The following CASC3 variants were observed in gnomAD, a reference collection of about 807,000 sequenced individuals.
CASC3 encodes CASC3 exon junction complex subunit, also known as protein CASC3.
Under a neutral mutation model 80.5 loss-of-function variants are expected in CASC3, and 30 were observed. The ratio of observed to expected loss-of-function variants is 0.37; its 90% CI spans 0.28 to 0.51. The LOEUF (loss-of-function observed/expected upper bound fraction) is 0.51, where lower values mean the gene tolerates loss of function less well. Ranked by LOEUF, CASC3 falls within the 20% of genes least tolerant of loss-of-function variation. The pLI, the probability that CASC3 is intolerant of heterozygous loss-of-function variation, is 0.94. For synonymous variants in CASC3, 312 were observed against 333.6 expected (o/e 0.94, Z 0.70); for missense variants, 824 against 922.2 (o/e 0.89, Z 1.38).
At chr17:40,146,573 A>G (rs1988867555) in intron 3 of CASC3, among the ~76,000 whole-genome samples, 1 of 151,124 alleles carries the variant, frequency 6.6e-6, no homozygotes, top group African/African-American at 2.4e-5. Flanking sequence ...AGTAGCTGGG[A>G]TTACAGGCGC....
chr17:40,162,970 C>T (rs969827645), intron 6 of CASC3, 69 bp downstream of exon 6: 33 of 1,421,512 alleles, frequency 2.3e-5, no homozygotes, highest in Middle Eastern at 1.9e-4. Flanking sequence ...CCTGGAATCC[C>T]GGCACTTTGG....
intron 9 of CASC3, 89 bp downstream of exon 9, chr17:40,167,701 G>C (rs550164557): frequency 7.9e-7 from 1 of 1,264,432 alleles, no homozygotes; most frequent in Non-Finnish European, 1.2e-6. Flanking sequence ...TTTCTCTTCT[G>C]ACCTCTTATA....
chr17:40,152,598 G>A (rs1215732488), intron 3 of CASC3, among the ~76,000 whole-genome samples: 1 of 152,024 alleles, frequency 6.6e-6, no homozygotes, highest in Non-Finnish European at 1.5e-5. Flanking sequence ...GGGATTACAG[G>A]CGTGAGCCAC....
chr17:40,162,593 A>C, intron 5 of CASC3, 132 bp from the exon 6 acceptor site: 1 of 797,102 alleles, frequency 1.3e-6, no homozygotes, highest in Admixed American at 2.9e-5. Flanking sequence ...GTTTTTTATA[A>C]TCTCTTTGGG....
At chr17:40,162,926 C>T (rs761781834) in intron 6 of CASC3, 25 bp downstream of exon 6, 2 of 1,607,576 alleles carry the variant, frequency 1.2e-6, no homozygotes, top group South Asian at 1.1e-5. Context: ...GAACATAAGA[C>T]CAGGCTGGGT....
rs765266064 is a variant in CASC3, at chr17:40,162,011, G to C, written c.466G>C (p.Glu156Gln). 1 of 1,613,890 alleles carries C rather than the reference G, an allele frequency of 6.2e-7. No individual in the cohort carries two copies. Residue 156 changes from glutamate to glutamine, a missense_variant, in exon 5 of 14, where the codon GAG becomes CAG. By Grantham distance (29) the Glu-to-Gln change is conservative (BLOSUM62 2). Around this residue, in one of 3 missense-constraint regions of CASC3, gnomAD observed 201 missense variants for 294.1 expected, o/e 0.68. Transcript: ENST00000264645. ...TTTATCTGTCCTCTAGGAGAGCACAGAGCCTGTGGAGAACAAAGTGGGTAA... is the reference window on the plus strand; with the variant it reads ...TTTATCTGTCCTCTAGGAGAGCACACAGCCTGTGGAGAACAAAGTGGGTAA... ...RQSGDGQEST[E>Q]PVENKVGKKG...
intron 13 of CASC3, 129 bp from the exon 14 acceptor site, chr17:40,170,317 TG>T: frequency 2.1e-6 from 1 of 478,144 alleles, no homozygotes; most frequent in Non-Finnish European, 2.7e-6. Context: ...CTGGGGGTTT[TG>T]TTGCTTTTGT....
chr17:40,141,730 G>C, intron 3 of CASC3, 123 bp downstream of exon 3: 1 of 820,300 alleles, frequency 1.2e-6, no homozygotes, highest in Non-Finnish European at 2.0e-6. Context: ...CTTCATTTAT[G>C]CTTCTGAAAA....
chr17:40,162,538 G>A (rs538732938), intron 5 of CASC3, among the ~76,000 whole-genome samples, 187 bp from the exon 6 acceptor site: 2 of 152,170 alleles, frequency 1.3e-5, no homozygotes, highest in African/African-American at 4.8e-5. Flanking sequence ...TTTGAGCCCA[G>A]CAGGCCCTGA....
In CASC3 at chr17:40,163,788, G is replaced by C; in HGVS notation, c.1093G>C (p.Glu365Gln). 2 of 1,614,202 alleles carry C rather than the reference G, an allele frequency of 1.2e-6. No homozygotes were observed. The highest frequency in any genetic ancestry group is 1.7e-6 in the Non-Finnish European group (2 of 1,180,044). The change falls in exon 7 of 14, where the codon GAA becomes CAA. Residue 365 changes from glutamate to glutamine, a missense_variant. Transcript: ENST00000264645. ...GACTTCTGTGAGGGATCCATCTCCA[G>C]AAGCAGATGCTCCAGTGCTTGGCAG... is the stretch of plus-strand genomic sequence containing the variant. The part of the protein sequence containing the change: ...EQTSVRDPSP[E>Q]ADAPVLGSPE...
At chr17:40,144,659 T>C (rs796918264) in intron 3 of CASC3, among the ~76,000 whole-genome samples, 2,018 of 114,528 alleles carry the variant, frequency 0.018, 46 homozygotes, top group African/African-American at 0.07. Context: ...CCCAGCCCTC[T>C]TTTTTTTTTT....
At chr17:40,150,543 G>T (rs142439384) in intron 3 of CASC3, among the ~76,000 whole-genome samples, 1 of 151,906 alleles carries the variant, frequency 6.6e-6, no homozygotes, top group African/African-American at 2.4e-5. Flanking sequence ...AAGAGAAATG[G>T]GATGTTACTA....
chr17:40,153,454 A>G (rs538725413), intron 3 of CASC3, among the ~76,000 whole-genome samples: 1 of 152,316 alleles, frequency 6.6e-6, no homozygotes, highest in South Asian at 2.1e-4. Flanking sequence ...ATTCTGCTAC[A>G]AACATTAGTG....
intron 7 of CASC3, among the ~76,000 whole-genome samples, chr17:40,164,961 C>G (rs1989411755): frequency 6.7e-6 from 1 of 148,250 alleles, no homozygotes; most frequent in Non-Finnish European, 1.5e-5. Context: ...CTCACTGTTG[C>G]CCAGGCTGGA....
chr17:40,163,398 G>A (rs2145177110), intron 6 of CASC3, 83 bp from the exon 7 acceptor site: 2 of 1,167,982 alleles, frequency 1.7e-6, no homozygotes, highest in South Asian at 2.9e-5. Context: ...ATCTCCCAAA[G>A]TGCTGGGATT....
intron 5 of CASC3, 53 bp from the exon 6 acceptor site, chr17:40,162,670 ATC>A: frequency 6.3e-7 from 1 of 1,575,230 alleles, no homozygotes; most frequent in South Asian, 1.1e-5. Flanking sequence ...GTTCAAGAAC[ATC>A]TCTACTTGGA....
intron 3 of CASC3, among the ~76,000 whole-genome samples, chr17:40,152,193 A>C (rs1479111622): frequency 6.6e-6 from 1 of 152,258 alleles, no homozygotes; most frequent in Non-Finnish European, 1.5e-5. Flanking sequence ...GCTGGAGTTC[A>C]GTGATGCAGT....
intron 3 of CASC3, among the ~76,000 whole-genome samples, chr17:40,154,334 AG>A (rs1173942257): frequency 6.6e-6 from 1 of 152,088 alleles, no homozygotes; most frequent in Non-Finnish European, 1.5e-5. Context: ...TATAGGCATC[AG>A]CCACCACACT....
chr17:40,156,049 CAT>C (rs1321875592), intron 3 of CASC3, among the ~76,000 whole-genome samples: 8 of 152,174 alleles, frequency 5.3e-5, no homozygotes, highest in Admixed American at 5.2e-4. Context: ...CCTTATTAAT[CAT>C]GTGATAATAC....
Sources: allele counts gnomAD v4.1 joint callset (sites outside exome capture counted in the v4.1 genomes callset), GRCh38; gene constraint gnomAD v4.1.1; regional missense constraint gnomAD v4.1.1; transcripts MANE v1.5; gene names NCBI Gene and HGNC (gene_info 2026-07-23, HGNC 2026-07-21).